The following ANKRD44 variants were observed in gnomAD, a reference collection of about 807,000 sequenced individuals.
The protein encoded by ANKRD44 is serine/threonine-protein phosphatase 6 regulatory ankyrin repeat subunit B.
ANKRD44 carries 35 observed loss-of-function variants against 116.0 expected under a neutral mutation model. The observed-to-expected ratio is 0.30, with a 90% CI of 0.23 to 0.40. ANKRD44 has a LOEUF of 0.40. Ranked by LOEUF, ANKRD44 falls within the 10% of genes least tolerant of loss-of-function variation. The pLI is 1.00. For missense variants in ANKRD44, 1,014 were observed against 1,242.6 expected (o/e 0.82, Z 2.77); for synonymous variants, 435 against 461.8 (o/e 0.94, Z 0.74).
intron 16 of ANKRD44, among the ~76,000 whole-genome samples, chr2:197,072,093 A>AGGAC (rs1186845460): frequency 1.3e-5 from 2 of 148,444 alleles, no homozygotes; most frequent in African/African-American, 5.1e-5. Flanking sequence ...GAAGGAAGGA[A>AGGAC]GGAAGGAAAA....
At chr2:196,980,255 C>T (rs1346851548) in intron 21 of ANKRD44, among the ~76,000 whole-genome samples, 4 of 152,032 alleles carry the variant, frequency 2.6e-5, no homozygotes, top group African/African-American at 9.7e-5. Context: ...AATGGGTAGA[C>T]CCTTGTGAAT....
chr2:197,214,239 C>A (rs1408747257), intron 1 of ANKRD44, among the ~76,000 whole-genome samples: 1 of 151,820 alleles, frequency 6.6e-6, no homozygotes, highest in East Asian at 1.9e-4. Context: ...ATCTCAGGGA[C>A]ATAATAAAAT....
At chr2:197,240,114 C>T (rs2082059030) in intron 1 of ANKRD44, among the ~76,000 whole-genome samples, 1 of 151,904 alleles carries the variant, frequency 6.6e-6, no homozygotes, top group Non-Finnish European at 1.5e-5. Context: ...ATGGCTCACG[C>T]CTGTAATCTT....
At chr2:197,197,859 G>A (rs1405302526) in intron 1 of ANKRD44, 12 of 142,986 alleles carry the variant, frequency 8.4e-5, no homozygotes, top group African/African-American at 3.1e-4. Context: ...AAAAGAAAAA[G>A]AAAGAAAGAA....
chr2:197,033,392 AAGTT>A (rs2076744854), intron 16 of ANKRD44, among the ~76,000 whole-genome samples: 1 of 152,204 alleles, frequency 6.6e-6, no homozygotes, highest in South Asian at 2.1e-4. Flanking sequence ...TAAAAGCCGA[AAGTT>A]AGTAAGCATT....
At chr2:196,996,109 T>G (rs2076007163) in intron 25 of ANKRD44, among the ~76,000 whole-genome samples, 2 of 152,338 alleles carry the variant, frequency 1.3e-5, no homozygotes, top group South Asian at 4.1e-4. Context: ...TATGGCTTCC[T>G]AAGCCCTTGC....
chr2:197,267,875 G>A (rs893878681), intron 1 of ANKRD44, among the ~76,000 whole-genome samples: 2 of 152,184 alleles, frequency 1.3e-5, no homozygotes, highest in Non-Finnish European at 2.9e-5. Flanking sequence ...CCAGAATCAG[G>A]GTCAAGGTAG....
At chr2:197,022,637 CCTT>C (rs1167794124) in intron 17 of ANKRD44, among the ~76,000 whole-genome samples, 14 of 152,328 alleles carry the variant, frequency 9.2e-5, no homozygotes, top group Admixed American at 6.5e-4. Flanking sequence ...CCAAAACACT[CCTT>C]CATCAGATGT....
At chr2:197,051,076 C>T (rs895706914) in intron 16 of ANKRD44, among the ~76,000 whole-genome samples, 3 of 151,574 alleles carry the variant, frequency 2.0e-5, no homozygotes, top group African/African-American at 7.3e-5. Flanking sequence ...GATCCTCCCA[C>T]CTCAGCCTCC....
At chr2:197,089,064 A>G (rs1164926061) in intron 11 of ANKRD44, among the ~76,000 whole-genome samples, 2 of 152,206 alleles carry the variant, frequency 1.3e-5, no homozygotes, top group Non-Finnish European at 2.9e-5. Context: ...AACCAATTTG[A>G]GATAAGTAGG....
intron 10 of ANKRD44, among the ~76,000 whole-genome samples, chr2:197,098,852 G>T (rs958066329): frequency 2.0e-5 from 3 of 152,076 alleles, no homozygotes; most frequent in African/African-American, 7.2e-5. Context: ...AAGTCACATA[G>T]CTCACAAGGG....
chr2:197,104,105 G>A (rs2078369964), intron 9 of ANKRD44, among the ~76,000 whole-genome samples: 1 of 152,054 alleles, frequency 6.6e-6, no homozygotes, highest in Non-Finnish European at 1.5e-5. Flanking sequence ...TTACATTTCA[G>A]ATGATTTCCT....
At position 197,086,234 on chromosome 2, in the gene ANKRD44, T is replaced by C. The variant is rs190343640; in HGVS notation, c.1316+446A>G. Among the ~76,000 whole-genome samples, 117 of 152,254 alleles carry C rather than the reference T, an allele frequency of 7.7e-4. 7 individuals carry two copies. The highest frequency in any genetic ancestry group is 7.8e-4 in the Admixed American group (12 of 15,290). ...CATCATTTACTTACATAAAGGACCA[T>C]TAAGGTAAGAAGAGTTCTATGACCC... is the stretch of plus-strand genomic sequence containing the variant. On this transcript the variant is annotated intron_variant, in intron 13 of 27. Coordinates refer to ENST00000282272, the MANE Select transcript of ANKRD44 (RefSeq NM_001195144.2).
At position 197,042,841 on chromosome 2, in the gene ANKRD44, G is replaced by A. The variant is rs561237603; in HGVS notation, c.1651-17574C>T. On this transcript the variant is annotated intron_variant, in intron 16 of 27. Transcript: ENST00000282272. ...TAAATGCAAGGCATTTTCAGTAAAG[G>A]CAAGAATGAGGCATTTTCGGTAAAC... Among the ~76,000 whole-genome samples the A allele has an allele frequency of 7.2e-5, 11 of 152,298 alleles. No individual in the cohort carries two copies. The East Asian group carries it at 1.9e-3, about 27-fold the overall frequency.
Position 196,998,182 on chromosome 2 carries a change from C to T in ANKRD44, c.2748+155G>A, listed in dbSNP as rs141297613. On this transcript the variant is annotated intron_variant, in intron 25 of 27. Transcript: ENST00000282272. ...GAATGCATTGTTGGGTCTGTCCTTT[C>T]CTTCTCATCCTTCCACTTTCAGTTG... 1.8e-3 allele frequency among the ~76,000 whole-genome samples: 272 copies of T among 152,306 alleles called. 1 individual carries two copies. The highest frequency in any genetic ancestry group is 6.4e-3 in the African/African-American group (267 of 41,556).
At chr2:197,113,108 G>A (rs556476775) in intron 8 of ANKRD44, among the ~76,000 whole-genome samples, 1 of 152,176 alleles carries the variant, frequency 6.6e-6, no homozygotes, top group African/African-American at 2.4e-5. Flanking sequence ...GACTGAGAAA[G>A]GAGAGCTGAA....
chr2:197,119,929 C>T (rs949380344), intron 8 of ANKRD44, among the ~76,000 whole-genome samples: 4 of 152,172 alleles, frequency 2.6e-5, no homozygotes, highest in Non-Finnish European at 5.9e-5. Context: ...TGACAAGTTA[C>T]CTAGAGGTTT....
intron 1 of ANKRD44, among the ~76,000 whole-genome samples, chr2:197,216,368 T>G (rs1407208335): frequency 6.6e-6 from 1 of 152,118 alleles, no homozygotes; most frequent in African/African-American, 2.4e-5. Context: ...TTCTTTGGAG[T>G]TTCTTCTGTG....
downstream of ANKRD44, among the ~76,000 whole-genome samples, chr2:196,982,108 TTATA>T (rs58816698): frequency 1.0e-5 from 1 of 96,552 alleles, no homozygotes; most frequent in African/African-American, 3.7e-5. Flanking sequence ...CTAAAAAAAA[TTATA>T]TATATATATA....
Sources: allele counts gnomAD v4.1 joint callset (sites outside exome capture counted in the v4.1 genomes callset), GRCh38; gene constraint gnomAD v4.1.1; transcripts MANE v1.5; gene names NCBI Gene and HGNC (gene_info 2026-07-23, HGNC 2026-07-21).